SYT16: variants seen among roughly 807,000 people sequenced by gnomAD.
SYT16 encodes synaptotagmin-16.
Under a neutral mutation model 61.4 loss-of-function variants are expected in SYT16, and 42 were observed. That is an observed-to-expected ratio of 0.68 (90% CI 0.53 to 0.89). The LOEUF is 0.89. Among genes scored for constraint, SYT16 ranks in the 40% least tolerant of loss-of-function variants. The pLI, the probability that SYT16 is intolerant of heterozygous loss-of-function variation, is 0.00. For missense variants in SYT16, 804 were observed against 807.3 expected (o/e 1.00, Z 0.05); for synonymous variants, 314 against 302.3 (o/e 1.04, Z -0.40).
At chr14:62,082,862 A>T (rs1002277323) in intron 6 of SYT16, among the ~76,000 whole-genome samples, 2 of 152,218 alleles carry the variant, frequency 1.3e-5, no homozygotes, top group African/African-American at 4.8e-5. Flanking sequence ...GAAGTCTTTC[A>T]TTCACCAGTT....
intron 1 of SYT16, among the ~76,000 whole-genome samples, chr14:61,860,968 C>T (rs868425246): frequency 1.3e-5 from 2 of 151,998 alleles, no homozygotes; most frequent in African/African-American, 4.8e-5. Context: ...AGAAAGCAAT[C>T]GGAGGAGGGT....
chr14:62,042,570 C>T (rs1442990986), intron 3 of SYT16, among the ~76,000 whole-genome samples: 2 of 152,146 alleles, frequency 1.3e-5, no homozygotes, highest in East Asian at 1.9e-4. Flanking sequence ...TTGGAACAGG[C>T]ACTATTTGTG....
chr14:62,024,111 T>C (rs2054011611), intron 3 of SYT16, among the ~76,000 whole-genome samples: 1 of 152,112 alleles, frequency 6.6e-6, no homozygotes, highest in African/African-American at 2.4e-5. Context: ...AACAATATCT[T>C]TATGGTCATA....
chr14:61,858,467 A>G (rs1477494842), intron 1 of SYT16, among the ~76,000 whole-genome samples: 1 of 152,210 alleles, frequency 6.6e-6, no homozygotes, highest in Non-Finnish European at 1.5e-5. Context: ...GGAATACTTC[A>G]GTGGTCTTAA....
At chr14:62,028,350 C>A (rs912362317) in intron 3 of SYT16, among the ~76,000 whole-genome samples, 1 of 152,172 alleles carries the variant, frequency 6.6e-6, no homozygotes, top group Non-Finnish European at 1.5e-5. Flanking sequence ...TTTATGTACA[C>A]TAAATCATTC....
At chr14:61,936,582 A>G (rs1424689433) in intron 1 of SYT16, among the ~76,000 whole-genome samples, 1 of 152,126 alleles carries the variant, frequency 6.6e-6, no homozygotes, top group African/African-American at 2.4e-5. Context: ...TCCATAGAGA[A>G]TTTGCATTTT....
intron 1 of SYT16, among the ~76,000 whole-genome samples, chr14:61,929,606 C>T (rs1319352512): frequency 1.3e-5 from 2 of 152,170 alleles, no homozygotes; most frequent in Non-Finnish European, 2.9e-5. Context: ...ACAGTGAAGG[C>T]ATGTCTGAAA....
chr14:62,054,596 A>T (rs973933685), intron 3 of SYT16, among the ~76,000 whole-genome samples: 2 of 151,200 alleles, frequency 1.3e-5, no homozygotes, highest in African/African-American at 2.4e-5. Flanking sequence ...TCCTGGACTC[A>T]GGTGATGTGC....
chr14:62,028,815 A>G (rs78049195), intron 3 of SYT16, among the ~76,000 whole-genome samples: 9,492 of 152,272 alleles, frequency 0.062, 529 homozygotes, highest in African/African-American at 0.15. Flanking sequence ...TTAAAAGATA[A>G]TTGTAAAAGA....
intron 1 of SYT16, among the ~76,000 whole-genome samples, chr14:61,840,466 G>A (rs1264492751): frequency 6.6e-6 from 1 of 152,176 alleles, no homozygotes; most frequent in Admixed American, 6.5e-5. Context: ...GTTAATGAAA[G>A]TATCACCAAT....
intron 1 of SYT16, among the ~76,000 whole-genome samples, chr14:61,950,402 T>A (rs2050622681): frequency 6.6e-6 from 1 of 152,174 alleles, no homozygotes; most frequent in Non-Finnish European, 1.5e-5. Context: ...GACCTATGGC[T>A]TTCACAGCTG....
intron 3 of SYT16, among the ~76,000 whole-genome samples, chr14:62,014,790 C>T (rs570973052): frequency 6.6e-5 from 10 of 152,110 alleles, no homozygotes; most frequent in East Asian, 1.9e-4. Flanking sequence ...TTTCCCCCTC[C>T]GAATGTTCAT....
In SYT16 at chr14:62,080,924, G is replaced by C; in HGVS notation, c.1084G>C (p.Ala362Pro). 1 of 1,608,482 alleles carries C rather than the reference G, an allele frequency of 6.2e-7. No individual in the cohort carries two copies. Among genetic ancestry groups the C allele is most frequent in the Non-Finnish European group, 8.5e-7 (1 of 1,177,402 alleles). ...CCTAGATGTCATCTTTGAATATAGA[G>C]CCGCCAGCCAGAAGCTCACAGTGAC... The part of the protein sequence containing the change: ...GDLDVIFEYR[A>P]ASQKLTVTIV... The change falls in exon 6 of 8, where the codon GCC becomes CCC. Residue 362 changes from alanine (A) to proline (P), a missense_variant. Ala to Pro is a conservative substitution (Grantham distance 27). Transcript: ENST00000683842.
chr14:61,894,482 A>G (rs960671134), intron 1 of SYT16, among the ~76,000 whole-genome samples: 4 of 152,174 alleles, frequency 2.6e-5, no homozygotes, highest in Admixed American at 2.0e-4. Flanking sequence ...GGTGATAAAG[A>G]CATAGGTAAT....
intron 1 of SYT16, among the ~76,000 whole-genome samples, chr14:61,906,787 G>GTCCGTCCGTCCATCCATCCA (rs375002498): frequency 5.6e-5 from 8 of 142,316 alleles, no homozygotes; most frequent in South Asian, 2.4e-4. Context: ...CCGTCCGTCC[G>GTCCGTCCGTCCATCCATCCA]TCCATCCATC....
chr14:62,030,162 A>G (rs552928480), intron 3 of SYT16, among the ~76,000 whole-genome samples: 11 of 152,304 alleles, frequency 7.2e-5, no homozygotes, highest in Middle Eastern at 3.4e-3. Flanking sequence ...AAATTTGACC[A>G]TTATTGAAAA....
At chr14:61,960,553 A>G (rs1233331866) in intron 1 of SYT16, among the ~76,000 whole-genome samples, 4 of 152,168 alleles carry the variant, frequency 2.6e-5, no homozygotes, top group Non-Finnish European at 5.9e-5. Context: ...TTTATTTTGT[A>G]TCCTGAAACT....
intron 2 of SYT16, among the ~76,000 whole-genome samples, chr14:61,989,571 A>C (rs2052462128): frequency 6.6e-6 from 1 of 152,144 alleles, no homozygotes; most frequent in African/African-American, 2.4e-5. Flanking sequence ...TCAAAAACAA[A>C]ACAAAAACAA....
chr14:61,955,390 A>G (rs755356692), intron 1 of SYT16, among the ~76,000 whole-genome samples: 19 of 152,090 alleles, frequency 1.2e-4, no homozygotes, highest in Non-Finnish European at 2.4e-4. Context: ...GTAGATCTCC[A>G]GATCTTATTT....
Sources: gnomAD v4.1 joint callset for allele counts (sites outside exome capture counted in the v4.1 genomes callset) on GRCh38, gnomAD v4.1.1 for gene constraint, MANE v1.5 for transcripts, NCBI Gene and HGNC (gene_info 2026-07-23, HGNC 2026-07-21) for gene names.